The following NIPBL variants were observed in gnomAD, a reference collection of about 807,000 sequenced individuals.
NIPBL encodes the protein nipped-B-like protein.
In NIPBL, 19 loss-of-function variants were observed where a neutral mutation model predicts 321.8. That is an observed-to-expected ratio of 0.06 (90% CI 0.04 to 0.09). The LOEUF (loss-of-function observed/expected upper bound fraction) is 0.09, where lower values mean the gene tolerates loss of function less well. NIPBL is among the 10% of genes least tolerant of loss of function. The pLI is 1.00. For missense variants in NIPBL, 2,210 were observed against 3,327.0 expected, an observed-to-expected ratio of 0.66 and a Z score of 8.26; for synonymous variants, 1,106 against 1,114.1, an observed-to-expected ratio of 0.99 and a Z score of 0.14.
chr5:37,051,616 T>G, intron 40 of NIPBL, 163 bp from the exon 41 acceptor site: 1 of 620,320 alleles, frequency 1.6e-6, no homozygotes, highest in Non-Finnish European at 2.9e-6. Flanking sequence ...AAGCTGAATC[T>G]CAAAAGATCT....
In NIPBL at chr5:36,913,977, C is replaced by G. The variant is rs571546624; in HGVS notation, c.-80+36799C>G. 3.3e-5 allele frequency among the ~76,000 whole-genome samples: 5 copies of G among 152,300 alleles called. No homozygotes were observed. The East Asian group carries it at 9.6e-4, about 29-fold the overall frequency. ...ATTCTTGCTCACATTACTTATCCAA[C>G]AGTTTGTCAGGAAATAGATCTACTC... is the stretch of plus-strand genomic sequence containing the variant. On this transcript the variant is annotated intron_variant, in intron 1 of 46. Transcript: ENST00000282516.
chr5:36,903,138 G>A (rs192017796), intron 1 of NIPBL, among the ~76,000 whole-genome samples: 94 of 152,300 alleles, frequency 6.2e-4, no homozygotes, highest in Admixed American at 5.2e-3. Context: ...CTGTGCTGAC[G>A]TGGTTTATCA....
intron 29 of NIPBL, among the ~76,000 whole-genome samples, chr5:37,022,604 CT>C (rs1474932740): frequency 6.6e-6 from 1 of 152,064 alleles, no homozygotes; most frequent in East Asian, 1.9e-4. Flanking sequence ...AATTGGATTC[CT>C]TTTTTCAGTT....
intron 6 of NIPBL, among the ~76,000 whole-genome samples, chr5:36,963,955 G>A (rs1356158230): frequency 6.6e-6 from 1 of 152,086 alleles, no homozygotes; most frequent in Non-Finnish European, 1.5e-5. Context: ...TGTCAAAAGA[G>A]CACATCCATA....
chr5:36,902,642 G>A (rs780934297), intron 1 of NIPBL, among the ~76,000 whole-genome samples: 1 of 152,154 alleles, frequency 6.6e-6, no homozygotes, highest in Admixed American at 6.6e-5. Context: ...TTTGGTTACT[G>A]TAGCCTTTTA....
chr5:36,883,555 A>ACT (rs1170697157), intron 1 of NIPBL, among the ~76,000 whole-genome samples: 1 of 98,290 alleles, frequency 1.0e-5, no homozygotes, highest in Non-Finnish European at 1.8e-5. Flanking sequence ...TGTCTAAAAC[A>ACT]CTAATTATTA....
chr5:36,886,070 G>A (rs1745884583), intron 1 of NIPBL: 2 of 700,558 alleles, frequency 2.9e-6, no homozygotes, highest in African/African-American at 1.7e-5. Flanking sequence ...CGCGCAGGTC[G>A]GAGCTGCTGA....
intron 1 of NIPBL, among the ~76,000 whole-genome samples, chr5:36,936,046 T>A (rs138225646): frequency 2.6e-3 from 403 of 152,254 alleles, no homozygotes; most frequent in Non-Finnish European, 4.5e-3. Flanking sequence ...CCAGTGGACT[T>A]ATTTGCAGGG....
intron 3 of NIPBL, 86 bp downstream of exon 3, chr5:36,955,723 AT>A: frequency 1.0e-6 from 1 of 1,003,684 alleles, no homozygotes; most frequent in Non-Finnish European, 1.6e-6. Flanking sequence ...TATTTCAGAA[AT>A]TTTTAGATAC....
intron 1 of NIPBL, among the ~76,000 whole-genome samples, chr5:36,893,672 G>A (rs1172670945): frequency 1.3e-5 from 2 of 151,760 alleles, no homozygotes; most frequent in Non-Finnish European, 2.9e-5. Flanking sequence ...ATTTTACATG[G>A]CTACCTAAAA....
chr5:36,915,598 A>G (rs1160516231), intron 1 of NIPBL, among the ~76,000 whole-genome samples: 1 of 152,180 alleles, frequency 6.6e-6, no homozygotes, highest in Non-Finnish European at 1.5e-5. Context: ...ATAACTATGG[A>G]ATGAAGGGGA....
intron 32 of NIPBL, among the ~76,000 whole-genome samples, chr5:37,030,917 G>GC (rs1343064347): frequency 3.5e-5 from 4 of 112,746 alleles, no homozygotes; most frequent in Non-Finnish European, 3.6e-5. Flanking sequence ...ACCATGTTTA[G>GC]CCTTTTTTTT....
chr5:37,000,217 A>G (rs1484299143), intron 11 of NIPBL, among the ~76,000 whole-genome samples, 156 bp from the exon 12 acceptor site: 4 of 152,150 alleles, frequency 2.6e-5, no homozygotes, highest in Non-Finnish European at 4.4e-5. Context: ...TACTTTTTCT[A>G]TATCATAACT....
rs1749367070 is a variant in NIPBL, at chr5:37,019,388, T to C, written c.4998T>C (p.Asp1666=). 6.2e-7 allele frequency: 1 copy of C among 1,610,256 alleles called. No individual in the cohort carries two copies. Among genetic ancestry groups the C allele is most frequent in the South Asian group, 1.1e-5 (1 of 91,002 alleles). ...LDYLDENTET[D]PSLVFSRKFY... is the part of the protein sequence containing the mutation. Reference sequence around the variant, plus strand: ...ACTTGGATGAAAACACTGAGACTGATCCTTCACTAGTGGTAGGATTCTTTT... The same window carrying C: ...ACTTGGATGAAAACACTGAGACTGACCCTTCACTAGTGGTAGGATTCTTTT... Residue 1666 remains aspartate, a synonymous_variant, in exon 25 of 47, where the codon GAT becomes GAC. Transcript: ENST00000282516.
intron 4 of NIPBL, among the ~76,000 whole-genome samples, chr5:36,959,547 C>T (rs1006063593): frequency 2.0e-5 from 3 of 152,010 alleles, no homozygotes; most frequent in African/African-American, 7.3e-5. Context: ...AGAGTTATGA[C>T]GGCTTTCTGG....
Position 37,058,872 on chromosome 5 carries a change from A to C in NIPBL, c.7411-19A>C. 1.2e-6 allele frequency: 2 copies of C among 1,613,008 alleles called. No individual in the cohort carries two copies. The highest frequency in any genetic ancestry group is 2.2e-5 in the South Asian group (2 of 90,930). ...TGGCATTTTGTTTTTATTGTTTATC[A>C]AACGATTTTTTCTTTCAGTCTATGG... On this transcript the variant is annotated intron_variant, in intron 43 of 46. Coordinates refer to ENST00000282516, the MANE Select transcript of NIPBL (RefSeq NM_133433.4).
intron 8 of NIPBL, among the ~76,000 whole-genome samples, chr5:36,974,407 CAT>C (rs1012081251): frequency 1.3e-5 from 2 of 152,100 alleles, no homozygotes; most frequent in Non-Finnish European, 2.9e-5. Flanking sequence ...TAATTTGCCA[CAT>C]AGAATTTAAA....
At chr5:36,962,037 C>T (rs1327751005) in intron 5 of NIPBL, 86 bp from the exon 6 acceptor site, 1 of 1,442,068 alleles carries the variant, frequency 6.9e-7, no homozygotes, top group Non-Finnish European at 9.8e-7. Flanking sequence ...ACTAAGAGAT[C>T]AGAGGACTTT....
chr5:36,937,008 G>A (rs1277724665), intron 1 of NIPBL, among the ~76,000 whole-genome samples: 15 of 152,036 alleles, frequency 9.9e-5, no homozygotes, highest in Admixed American at 8.5e-4. Flanking sequence ...AGGAGAATTT[G>A]TGATATATTA....
Sources: allele counts gnomAD v4.1 joint callset (sites outside exome capture counted in the v4.1 genomes callset), GRCh38; gene constraint gnomAD v4.1.1; transcripts MANE v1.5; gene names NCBI Gene and HGNC (gene_info 2026-07-23, HGNC 2026-07-21).